Variants in DYNC1LI1 observed in about 807,000 individuals in gnomAD.
The protein encoded by DYNC1LI1 is cytoplasmic dynein 1 light intermediate chain 1.
Under a neutral mutation model 63.8 loss-of-function variants are expected in DYNC1LI1, and 19 were observed. The observed-to-expected ratio is 0.30, with a 90% CI of 0.21 to 0.44. The LOEUF (loss-of-function observed/expected upper bound fraction) is 0.44. Among genes scored for constraint, DYNC1LI1 ranks in the 20% least tolerant of loss-of-function variants. DYNC1LI1 has a pLI of 1.00. For synonymous variants in DYNC1LI1, 225 were observed against 232.3 expected, an observed-to-expected ratio of 0.97 and a Z score of 0.28; for missense variants, 565 against 630.2, an observed-to-expected ratio of 0.90 and a Z score of 1.11.
At chr3:32,543,215 A>T (rs145078556) in intron 4 of DYNC1LI1, among the ~76,000 whole-genome samples, 155 of 152,078 alleles carry the variant, frequency 1.0e-3, no homozygotes, top group African/African-American at 3.5e-3. Context: ...CAAAAACTCC[A>T]CAGGCAATAG....
chr3:32,537,012 C>T lies in DYNC1LI1; in HGVS notation c.831G>A (p.Gln277=). 6.5e-7 allele frequency: 1 copy of T among 1,547,996 alleles called. No homozygotes were observed. Among genetic ancestry groups the T allele is most frequent in the Non-Finnish European group, 8.8e-7 (1 of 1,130,590 alleles). ...IQSHIRKFCL[Q]YGAALIYTSV... ...CAATAAATGTATTTAAAAGGATACACTGTAAACAAAACTTCCGGATATGTG... is the reference window on the plus strand; with the variant it reads ...CAATAAATGTATTTAAAAGGATACATTGTAAACAAAACTTCCGGATATGTG... The change falls in exon 6 of 13, where the codon CAG becomes CAA. Residue 277 remains glutamine (Q), a splice_region_variant and synonymous_variant. Coordinates refer to ENST00000273130, the MANE Select transcript of DYNC1LI1 (RefSeq NM_016141.4).
intron 2 of DYNC1LI1, among the ~76,000 whole-genome samples, chr3:32,560,550 A>C (rs1005844339): frequency 6.6e-5 from 10 of 152,194 alleles, no homozygotes; most frequent in African/African-American, 2.4e-4. Context: ...CACCCAACAC[A>C]AGTAACAGAC....
chr3:32,530,869 T>C lies in DYNC1LI1; in HGVS notation c.1081-349A>G, dbSNP rs181143286. On this transcript the variant is annotated intron_variant, in intron 8 of 12. Transcript: ENST00000273130. ...CATATGAGGCAAGTGGCTACCGTATTGAACAGCACAACCCTAGAGTCACAA... is the reference window on the plus strand; with the variant it reads ...CATATGAGGCAAGTGGCTACCGTATCGAACAGCACAACCCTAGAGTCACAA... 8.4e-4 allele frequency: 178 copies of C among 211,106 alleles called. No homozygotes were observed. In the East Asian group the frequency reaches 0.015, roughly 18 times the overall value. The allele number at this position is 211,106 out of a possible 1,614,324, so 13.1% of individuals were successfully genotyped here.
At chr3:32,558,403 T>TAAAAAAAA (rs533076265) in intron 2 of DYNC1LI1, among the ~76,000 whole-genome samples, 57 of 90,200 alleles carry the variant, frequency 6.3e-4, no homozygotes, top group African/African-American at 8.1e-4. Context: ...TTTAAAAATG[T>TAAAAAAAA]AAAAAAAAAA....
chr3:32,545,143 A>T (rs1697935946), intron 3 of DYNC1LI1, 37 bp from the exon 4 acceptor site: 2 of 1,391,714 alleles, frequency 1.4e-6, no homozygotes, highest in Non-Finnish European at 2.0e-6. Context: ...AGGCAACAAG[A>T]TTAAGTCATT....
intron 10 of DYNC1LI1, among the ~76,000 whole-genome samples, 156 bp from the exon 11 acceptor site, chr3:32,529,816 C>T (rs1056489480): frequency 3.3e-5 from 5 of 152,174 alleles, no homozygotes; most frequent in Admixed American, 1.3e-4. Context: ...ATCCTGTCCT[C>T]ATTATTAGAG....
chr3:32,536,828 G>T lies in DYNC1LI1; in HGVS notation c.832+183C>A, dbSNP rs537293973. Among the ~76,000 whole-genome samples the T allele has an allele frequency of 1.1e-4, 17 of 152,110 alleles. 1 individual carries two copies. The South Asian group carries it at 3.5e-3, about 32-fold the overall frequency. ...ATCAAAGTAACATACTTCAATATTT[G>T]CTTTTCTATCTCAAAATATCCAAAT... is the stretch of plus-strand genomic sequence containing the variant. On this transcript the variant is annotated intron_variant, in intron 6 of 12. Coordinates refer to ENST00000273130, the MANE Select transcript of DYNC1LI1 (RefSeq NM_016141.4).
intron 8 of DYNC1LI1, chr3:32,531,903 AT>A (rs1419095006): frequency 6.6e-6 from 1 of 152,196 alleles, no homozygotes; most frequent in Non-Finnish European, 1.5e-5. Context: ...ATTAATACTT[AT>A]CAGTTCAGCA....
intron 6 of DYNC1LI1, 122 bp from the exon 7 acceptor site, chr3:32,534,768 A>G (rs1347921648): frequency 2.8e-6 from 2 of 716,682 alleles, no homozygotes; most frequent in Admixed American, 3.2e-5. Flanking sequence ...CTCCAAAGGT[A>G]TATTATATGG....
chr3:32,527,000 T>A, intron 12 of DYNC1LI1, 92 bp from the exon 13 acceptor site: 1 of 813,982 alleles, frequency 1.2e-6, no homozygotes, highest in Non-Finnish European at 2.0e-6. Context: ...GTCCTAACAC[T>A]TTCATTAACT....
rs1371090572 is a variant in DYNC1LI1 at position 32,570,745 on chromosome 3, G to A, written c.26C>T (p.Ser9Phe). Residue 9 changes from serine (S) to phenylalanine (F), a missense_variant, in exon 1 of 13, where the codon TCC (serine) becomes TTC (phenylalanine). Ser to Phe is a radical substitution (Grantham distance 155, BLOSUM62 -2). Coordinates refer to ENST00000273130, the MANE Select transcript of DYNC1LI1 (RefSeq NM_016141.4). MAAVGRVG[S>F]FGSSPPGLSS... is the part of the protein sequence containing the mutation. ...TAATCCCGGCGGAGAAGAACCGAAG[G>A]AGCCGACTCGCCCCACGGCCGCCAT... 3 of 1,606,206 alleles carry A rather than the reference G, an allele frequency of 1.9e-6. No individual in the cohort carries two copies. In the African/African-American group the frequency reaches 4.1e-5, roughly 22 times the overall value.
chr3:32,538,479 T>C (rs1227611525), intron 5 of DYNC1LI1, among the ~76,000 whole-genome samples: 1 of 151,922 alleles, frequency 6.6e-6, no homozygotes, highest in Non-Finnish European at 1.5e-5. Flanking sequence ...GGTGGGCAGA[T>C]CACGAGGTCA....
At position 32,526,679 on chromosome 3, in the gene DYNC1LI1, G is replaced by T; in HGVS notation, c.*120C>A. 4.7e-6 allele frequency: 3 copies of T among 643,524 alleles called. No homozygotes were observed. The highest frequency in any genetic ancestry group is 3.6e-5 in the South Asian group (2 of 55,296). The allele number at this position is 643,524 out of a possible 1,614,324, so 39.9% of individuals were successfully genotyped here. On this transcript the variant is annotated 3_prime_UTR_variant, in exon 13 of 13. Coordinates refer to ENST00000273130, the MANE Select transcript of DYNC1LI1 (RefSeq NM_016141.4). The stretch of plus-strand genomic sequence containing the variant: ...CACACACACACACACACACACACAC[G>T]ACATAAATTTAGTCCATCTGAAGAA...
chr3:32,541,781 A>G (rs1019862952), intron 4 of DYNC1LI1, among the ~76,000 whole-genome samples: 1 of 152,210 alleles, frequency 6.6e-6, no homozygotes, highest in Non-Finnish European at 1.5e-5. Context: ...TATAAAGTAA[A>G]TGTGAATGTA....
At chr3:32,550,044 A>G (rs1377730870) in intron 2 of DYNC1LI1, among the ~76,000 whole-genome samples, 1 of 152,218 alleles carries the variant, frequency 6.6e-6, no homozygotes, top group Non-Finnish European at 1.5e-5. Context: ...AATTTTTTCA[A>G]TAACAAGCTT....
chr3:32,566,026 T>A (rs923154545), intron 2 of DYNC1LI1, among the ~76,000 whole-genome samples: 8 of 152,176 alleles, frequency 5.3e-5, no homozygotes, highest in Non-Finnish European at 8.8e-5. Flanking sequence ...CCCAATACTT[T>A]GGGAGACTGA....
intron 7 of DYNC1LI1, among the ~76,000 whole-genome samples, chr3:32,534,115 G>C (rs147760762): frequency 3.3e-5 from 5 of 151,116 alleles, no homozygotes; most frequent in Non-Finnish European, 5.9e-5. Flanking sequence ...CTGACATCAG[G>C]TGATCTGCTC....
chr3:32,569,385 AT>A (rs1393166209), intron 2 of DYNC1LI1, among the ~76,000 whole-genome samples: 1 of 152,228 alleles, frequency 6.6e-6, no homozygotes. Context: ...AAACATTCAT[AT>A]TTAACCACGC....
chr3:32,570,752 C>G lies in DYNC1LI1; in HGVS notation c.19G>C (p.Val7Leu). 6.2e-7 allele frequency: 1 copy of G among 1,604,052 alleles called. No individual in the cohort carries two copies. The highest frequency in any genetic ancestry group is 2.3e-5 in the East Asian group (1 of 43,644). The change falls in exon 1 of 13, where the codon GTC becomes CTC. Residue 7 changes from valine (V) to leucine (L), a missense_variant. Physicochemically the swap from Val to Leu is conservative, Grantham distance 32. Coordinates refer to ENST00000273130, the MANE Select transcript of DYNC1LI1 (RefSeq NM_016141.4). Reference protein sequence around the residue: MAAVGRVGSFGSSPPGL... With the variant: MAAVGRLGSFGSSPPGL... ...GGCGGAGAAGAACCGAAGGAGCCGA[C>G]TCGCCCCACGGCCGCCATCTTGGTC...
Sources: allele counts gnomAD v4.1 joint callset (sites outside exome capture counted in the v4.1 genomes callset), GRCh38; gene constraint gnomAD v4.1.1; transcripts MANE v1.5; gene names NCBI Gene and HGNC (gene_info 2026-07-23, HGNC 2026-07-21).